Variants in STK31 observed in about 807,000 individuals in gnomAD.
STK31 encodes the protein serine/threonine-protein kinase 31.
In STK31, 89 loss-of-function variants were observed where a neutral mutation model predicts 129.7. That is an observed-to-expected ratio of 0.69 (90% CI 0.58 to 0.82). The LOEUF (loss-of-function observed/expected upper bound fraction) is 0.82, where lower values mean the gene tolerates loss of function less well. Ranked by LOEUF, STK31 falls within the 40% of genes least tolerant of loss-of-function variation. The pLI is 0.00. For missense variants in STK31, 1,187 were observed against 1,176.4 expected, an observed-to-expected ratio of 1.01 and a Z score of -0.13; for synonymous variants, 448 against 395.3, an observed-to-expected ratio of 1.13 and a Z score of -1.58.
intron 11 of STK31, among the ~76,000 whole-genome samples, chr7:23,763,383 A>G (rs1789597985): frequency 6.6e-6 from 1 of 152,212 alleles, no homozygotes; most frequent in Admixed American, 6.5e-5. Context: ...ATATGGTGGA[A>G]TCTTGTCTTC....
At position 23,740,261 on chromosome 7, in the gene STK31, A is replaced by C. The variant is rs200840795; in HGVS notation, c.1017+3183A>C. ...TGCTAAATTAATGAACTTTAAACAC[A>C]TTTGACATGTTTTAATCCACTGAAG... On this transcript the variant is annotated intron_variant, in intron 8 of 23. Coordinates refer to ENST00000355870, the MANE Select transcript of STK31 (RefSeq NM_031414.5). Among the ~76,000 whole-genome samples, 7 of 152,162 alleles carry C rather than the reference A, an allele frequency of 4.6e-5. No homozygotes were observed. In the East Asian group the frequency reaches 9.6e-4, roughly 21 times the overall value.
At chr7:23,772,497 A>G (rs1053992625) in intron 15 of STK31, among the ~76,000 whole-genome samples, 1 of 152,180 alleles carries the variant, frequency 6.6e-6, no homozygotes, top group Non-Finnish European at 1.5e-5. Context: ...ATTCTTTAAA[A>G]ACATTTTCCT....
chr7:23,736,291 T>A (rs1787712446), intron 7 of STK31, among the ~76,000 whole-genome samples: 1 of 152,338 alleles, frequency 6.6e-6, no homozygotes, highest in African/African-American at 2.4e-5. Context: ...TTTACTTTTT[T>A]AATAAAAGTG....
rs776436784 is a variant in STK31 at position 23,727,273 on chromosome 7, T to C, written c.282T>C (p.Cys94=). 5.0e-6 allele frequency: 8 copies of C among 1,613,738 alleles called. No homozygotes were observed. In the East Asian group the frequency reaches 1.8e-4, roughly 36 times the overall value. Residue 94 remains cysteine, a synonymous_variant, in exon 5 of 24, where the codon TGT becomes TGC. Coordinates refer to ENST00000355870, the MANE Select transcript of STK31 (RefSeq NM_031414.5). ...IYGGLFSEDQ[C]WYRCKVLKII... Reference sequence around the variant, plus strand: ...GTGGATTATTTTCTGAAGATCAGTGTTGGTACAGATGCAAAGTACTGAAAA... The same window carrying C: ...GTGGATTATTTTCTGAAGATCAGTGCTGGTACAGATGCAAAGTACTGAAAA...
chr7:23,831,307 T>G (rs1794531501), intron 23 of STK31, among the ~76,000 whole-genome samples: 1 of 152,242 alleles, frequency 6.6e-6, no homozygotes, highest in Admixed American at 6.5e-5. Flanking sequence ...CATGTATATG[T>G]TTAGAATTGT....
At chr7:23,819,415 C>A (rs2128129247) in intron 23 of STK31, among the ~76,000 whole-genome samples, 1 of 87,412 alleles carries the variant, frequency 1.1e-5, no homozygotes, top group Admixed American at 1.7e-4. Context: ...CAGATGATTT[C>A]TTTCCTTTTT....
Position 23,769,658 on chromosome 7 carries a change from G to T in STK31, c.1615G>T (p.Glu539Ter). Reference sequence around the variant, plus strand: ...AAATGAGGTTTTTGACCTATCTGTGGAAGGATCACTGATTTCAGAAGACGC... The same window carrying T: ...AAATGAGGTTTTTGACCTATCTGTGTAAGGATCACTGATTTCAGAAGACGC... ...RTLKVFDLSV[E>*]GSLISEDAMD... Residue 539 changes from glutamate to a stop codon, truncating the protein, a stop_gained, in exon 13 of 24, where the codon GAA (glutamate) becomes TAA (stop). Transcript: ENST00000355870. LOFTEE classifies it high-confidence loss of function. 6.2e-7 allele frequency: 1 copy of T among 1,610,226 alleles called. No homozygotes were observed. Among genetic ancestry groups the T allele is most frequent in the South Asian group, 1.1e-5 (1 of 90,322 alleles).
At position 23,729,099 on chromosome 7, in the gene STK31, G is replaced by A; in HGVS notation, c.333G>A (p.Val111=). ...TCTCTTATTTTTTCCAGTGTCTGGT[G>A]AGGTACATTGACTATGGAAATACTG... The part of the protein sequence containing the change: ...LKIISVEKCL[V]RYIDYGNTEI... The change falls in exon 6 of 24, where the codon GTG becomes GTA. Residue 111 remains valine (V), a synonymous_variant. Coordinates refer to ENST00000355870, the MANE Select transcript of STK31 (RefSeq NM_031414.5). The A allele has an allele frequency of 1.2e-6, 2 of 1,602,172 alleles. No homozygotes were observed. Among genetic ancestry groups the A allele is most frequent in the Non-Finnish European group, 1.7e-6 (2 of 1,176,700 alleles).
At chr7:23,829,163 G>A (rs1239156638) in intron 23 of STK31, among the ~76,000 whole-genome samples, 5 of 151,638 alleles carry the variant, frequency 3.3e-5, no homozygotes, top group South Asian at 2.1e-4. Context: ...TGCCCACCTC[G>A]GCCTCCCAAA....
chr7:23,782,961 A>G (rs533938792), intron 16 of STK31, among the ~76,000 whole-genome samples: 69 of 152,282 alleles, frequency 4.5e-4, no homozygotes, highest in South Asian at 1.0e-3. Context: ...TTTTTCTTCA[A>G]TTAGTAAGAT....
intron 22 of STK31, among the ~76,000 whole-genome samples, chr7:23,814,811 G>A (rs998383384): frequency 2.6e-5 from 4 of 151,902 alleles, no homozygotes; most frequent in Non-Finnish European, 4.4e-5. Flanking sequence ...AAAGAAACTT[G>A]CCTGATTTAT....
At chr7:23,710,130 C>T, upstream of STK31, 3 of 1,353,222 alleles carry the variant, frequency 2.2e-6, no homozygotes, top group Non-Finnish European at 2.0e-6. Context: ...ACGCTTCTTC[C>T]TAGGCGGCAG....
chr7:23,786,755 A>C, intron 19 of STK31, 83 bp from the exon 20 acceptor site: 1 of 1,542,992 alleles, frequency 6.5e-7, no homozygotes. Flanking sequence ...ATAAAAGAAA[A>C]ATTATCCCAT....
intron 5 of STK31, 167 bp downstream of exon 5, chr7:23,727,482 C>T (rs1211031391): frequency 3.6e-6 from 2 of 555,912 alleles, no homozygotes; most frequent in Non-Finnish European, 6.4e-6. Flanking sequence ...GTTTTATAAT[C>T]ACCTCAGATT....
At chr7:23,828,834 G>A (rs1327254954) in intron 23 of STK31, among the ~76,000 whole-genome samples, 2 of 152,176 alleles carry the variant, frequency 1.3e-5, no homozygotes, top group East Asian at 3.8e-4. Context: ...GAGAAGTGGT[G>A]AAAGTGGAGA....
intron 4 of STK31, chr7:23,721,734 A>C: frequency 1.3e-6 from 1 of 755,728 alleles, no homozygotes; most frequent in Non-Finnish European, 2.5e-6. Context: ...AGTGGAGCAA[A>C]TGACACAATA....
chr7:23,749,900 TC>T (rs1047068745), intron 8 of STK31, among the ~76,000 whole-genome samples: 26 of 152,012 alleles, frequency 1.7e-4, no homozygotes, highest in African/African-American at 6.0e-4. Context: ...ATTTACCTCC[TC>T]CCATGTGGAA....
At chr7:23,822,417 T>C (rs1793838193) in intron 23 of STK31, among the ~76,000 whole-genome samples, 1 of 152,160 alleles carries the variant, frequency 6.6e-6, no homozygotes, top group South Asian at 2.1e-4. Flanking sequence ...GATTACTTTC[T>C]TGATGTCTTT....
chr7:23,720,610 A>C (rs1257549854), intron 4 of STK31, among the ~76,000 whole-genome samples: 2 of 152,212 alleles, frequency 1.3e-5, no homozygotes, highest in African/African-American at 2.4e-5. Context: ...GGGTCCATAC[A>C]AACTAAGAGC....
Sources: gnomAD v4.1 joint callset for allele counts (sites outside exome capture counted in the v4.1 genomes callset) on GRCh38, gnomAD v4.1.1 for gene constraint, MANE v1.5 for transcripts, NCBI Gene and HGNC (gene_info 2026-07-23, HGNC 2026-07-21) for gene names.